Variants in NTRK2 observed in about 807,000 individuals in gnomAD.
NTRK2 encodes the protein neurotrophic receptor tyrosine kinase 2, also known as BDNF/NT-3 growth factors receptor.
NTRK2 carries 13 observed loss-of-function variants against 94.5 expected under a neutral mutation model. The observed-to-expected ratio is 0.14, with a 90% CI of 0.09 to 0.22. NTRK2 has a LOEUF of 0.22. NTRK2 is among the 10% of genes least tolerant of loss of function. The pLI, the probability that NTRK2 is intolerant of heterozygous loss-of-function variation, is 1.00. For synonymous variants in NTRK2, 372 were observed against 407.4 expected, an observed-to-expected ratio of 0.91 and a Z score of 1.05; for missense variants, 639 against 1,071.2, an observed-to-expected ratio of 0.60 and a Z score of 5.63.
intron 14 of NTRK2, among the ~76,000 whole-genome samples, chr9:84,893,980 T>C (rs1322188928): frequency 2.0e-5 from 3 of 152,128 alleles, no homozygotes; most frequent in Non-Finnish European, 4.4e-5. Context: ...ACGAGGCCTG[T>C]CAAACCGAGT....
intron 18 of NTRK2, 107 bp downstream of exon 18, chr9:85,020,471 A>T: frequency 8.4e-7 from 1 of 1,184,240 alleles, no homozygotes. Context: ...ACACGATCTT[A>T]TGGGCTTTGT....
chr9:84,697,163 G>A (rs1026811105), intron 2 of NTRK2, among the ~76,000 whole-genome samples: 5 of 152,200 alleles, frequency 3.3e-5, no homozygotes, highest in Non-Finnish European at 5.9e-5. Flanking sequence ...TTTAAGGGCC[G>A]CTGACTTGCC....
In NTRK2 at chr9:84,710,756, A is replaced by C; in HGVS notation, c.548A>C (p.Asn183Thr). 1.2e-6 allele frequency: 2 copies of C among 1,614,192 alleles called. No homozygotes were observed. Among genetic ancestry groups the C allele is most frequent in the Admixed American group, 1.7e-5 (1 of 60,028 alleles). Residue 183 changes from asparagine to threonine, a missense_variant, in exon 6 of 19, where the codon AAT becomes ACT. By Grantham distance (65) the Asn-to-Thr change is moderately conservative (BLOSUM62 0). Coordinates refer to ENST00000277120, the MANE Select transcript of NTRK2 (RefSeq NM_006180.6). The part of the protein sequence containing the change: ...DLYCLNESSK[N>T]IPLANLQIPN... ...TACTGCCTGAATGAAAGCAGCAAGA[A>C]TATTCCCCTGGCAAACCTGCAGATA... is the stretch of plus-strand genomic sequence containing the variant.
chr9:84,969,707 G>A (rs1272388830), intron 17 of NTRK2, among the ~76,000 whole-genome samples: 1 of 152,146 alleles, frequency 6.6e-6, no homozygotes, highest in East Asian at 1.9e-4. Flanking sequence ...TTCTATGGGT[G>A]ACAACTTCAC....
At chr9:85,018,428 A>C (rs764123387) in intron 17 of NTRK2, among the ~76,000 whole-genome samples, 9 of 152,188 alleles carry the variant, frequency 5.9e-5, no homozygotes, top group Non-Finnish European at 1.2e-4. Flanking sequence ...CCACCTCTGC[A>C]AGGTGGCAGC....
intron 14 of NTRK2, chr9:84,871,839 C>T (rs1382850784): frequency 6.2e-7 from 1 of 1,613,584 alleles, no homozygotes; most frequent in Non-Finnish European, 8.5e-7. Context: ...TATTTGGAGG[C>T]TCCTGTGTCA....
intron 2 of NTRK2, among the ~76,000 whole-genome samples, chr9:84,678,221 C>A (rs567441506): frequency 8.5e-5 from 13 of 152,118 alleles, no homozygotes; most frequent in South Asian, 2.1e-4. Context: ...TTGTTTTTAT[C>A]ATTCTGGATG....
chr9:85,025,793 T>A lies in NTRK2; in HGVS notation c.*4356T>A. 4.3e-6 allele frequency: 1 copy of A among 232,980 alleles called. No individual in the cohort carries two copies. The highest frequency in any genetic ancestry group is 8.5e-6 in the Non-Finnish European group (1 of 117,918). The allele number at this position is 232,980 out of a possible 1,614,324, so 14.4% of individuals were successfully genotyped here. ...TGAGAGGAATGGCTAGTGACCCAACTCTCCAAATGTCTAAGTTAGTAGTTA... is the reference window on the plus strand; with the variant it reads ...TGAGAGGAATGGCTAGTGACCCAACACTCCAAATGTCTAAGTTAGTAGTTA... On this transcript the variant is annotated 3_prime_UTR_variant, in exon 19 of 19. Coordinates refer to ENST00000277120, the MANE Select transcript of NTRK2 (RefSeq NM_006180.6).
At chr9:84,789,852 T>C (rs1564280984) in intron 12 of NTRK2, among the ~76,000 whole-genome samples, 1 of 152,162 alleles carries the variant, frequency 6.6e-6, no homozygotes, top group African/African-American at 2.4e-5. Flanking sequence ...AGAGCCTTAT[T>C]TGGTGATTGG....
At chr9:84,977,368 A>G (rs1047584813) in intron 17 of NTRK2, among the ~76,000 whole-genome samples, 5 of 152,208 alleles carry the variant, frequency 3.3e-5, no homozygotes, top group African/African-American at 1.2e-4. Flanking sequence ...AAATAGCAAA[A>G]TCACCAATAA....
chr9:84,898,275 A>C (rs1195924939), intron 14 of NTRK2, among the ~76,000 whole-genome samples: 1 of 151,694 alleles, frequency 6.6e-6, no homozygotes, highest in African/African-American at 2.4e-5. Context: ...TCAGAAGTCA[A>C]CTCCAGTTTA....
chr9:84,854,337 A>G (rs1174613578), intron 12 of NTRK2, among the ~76,000 whole-genome samples: 2 of 152,096 alleles, frequency 1.3e-5, no homozygotes, highest in East Asian at 3.9e-4. Flanking sequence ...TTTTTGTTTC[A>G]CTTCTTGACT....
chr9:84,681,377 G>A (rs963473358), intron 2 of NTRK2, among the ~76,000 whole-genome samples: 19 of 152,040 alleles, frequency 1.2e-4, no homozygotes, highest in Admixed American at 3.9e-4. Context: ...CACATATTAC[G>A]TCTTGTCAAT....
intron 2 of NTRK2, among the ~76,000 whole-genome samples, chr9:84,676,650 C>A (rs1041933563): frequency 6.6e-6 from 1 of 152,218 alleles, no homozygotes; most frequent in East Asian, 1.9e-4. Context: ...TCCTAGCATC[C>A]AAATGAATGC....
chr9:84,900,644 G>A (rs1351788498), intron 14 of NTRK2, among the ~76,000 whole-genome samples: 38 of 152,134 alleles, frequency 2.5e-4, no homozygotes, highest in Admixed American at 2.5e-3. Context: ...GTAAAAATAT[G>A]TGCACTTGTG....
At chr9:84,718,346 T>C (rs758631382) in intron 6 of NTRK2, among the ~76,000 whole-genome samples, 2 of 152,144 alleles carry the variant, frequency 1.3e-5, no homozygotes, top group Non-Finnish European at 2.9e-5. Context: ...AGCTACATCT[T>C]TAACAAGATA....
chr9:84,977,247 A>G (rs1826995008), intron 17 of NTRK2, among the ~76,000 whole-genome samples: 1 of 142,468 alleles, frequency 7.0e-6, no homozygotes, highest in African/African-American at 2.8e-5. Flanking sequence ...CATAACTCAC[A>G]TCTGAATAAA....
At chr9:84,965,320 A>G (rs1043039443) in intron 17 of NTRK2, among the ~76,000 whole-genome samples, 4 of 152,240 alleles carry the variant, frequency 2.6e-5, no homozygotes, top group Non-Finnish European at 4.4e-5. Flanking sequence ...TCTTTAATGT[A>G]TAAATACCAA....
At chr9:84,885,326 G>A (rs1385135065) in intron 14 of NTRK2, among the ~76,000 whole-genome samples, 2 of 152,120 alleles carry the variant, frequency 1.3e-5, no homozygotes, top group African/African-American at 2.4e-5. Context: ...GCTAAATCAC[G>A]AGATCGAGAC....
Sources: allele counts gnomAD v4.1 joint callset (sites outside exome capture counted in the v4.1 genomes callset), GRCh38; gene constraint gnomAD v4.1.1; transcripts MANE v1.5; gene names NCBI Gene and HGNC (gene_info 2026-07-23, HGNC 2026-07-21).